Variants in RPRD1A observed in about 807,000 individuals in gnomAD.
RPRD1A encodes regulation of nuclear pre-mRNA domain containing 1A, also known as regulation of nuclear pre-mRNA domain-containing protein 1A.
A neutral mutation model predicts 37.8 loss-of-function variants in RPRD1A; 9 were observed. The ratio of observed to expected loss-of-function variants is 0.24; its 90% CI spans 0.14 to 0.42. The LOEUF is 0.42. Among genes scored for constraint, RPRD1A ranks in the 10% least tolerant of loss-of-function variants. The pLI, the probability that RPRD1A is intolerant of heterozygous loss-of-function variation, is 1.00. For missense variants in RPRD1A, 255 were observed against 371.0 expected, an observed-to-expected ratio of 0.69 and a Z score of 2.57; for synonymous variants, 138 against 139.7, an observed-to-expected ratio of 0.99 and a Z score of 0.08.
At chr18:36,057,830 C>A (rs1261747989) in intron 1 of RPRD1A, among the ~76,000 whole-genome samples, 1 of 152,154 alleles carries the variant, frequency 6.6e-6, no homozygotes, top group African/African-American at 2.4e-5. Context: ...AACCAAAGGA[C>A]CCTTCCCTGA....
chr18:36,048,376 ATTC>A (rs1229690401), intron 1 of RPRD1A, among the ~76,000 whole-genome samples: 1 of 152,104 alleles, frequency 6.6e-6, no homozygotes, highest in African/African-American at 2.4e-5. Flanking sequence ...AAATGTAAAC[ATTC>A]TTAACAAAAT....
At chr18:36,000,703 C>T (rs546342672) in intron 6 of RPRD1A, among the ~76,000 whole-genome samples, 2 of 152,310 alleles carry the variant, frequency 1.3e-5, no homozygotes, top group East Asian at 1.9e-4. Flanking sequence ...TCCATTTAAT[C>T]TTCACTGGTA....
At chr18:36,008,251 G>A (rs937752777) in intron 6 of RPRD1A, among the ~76,000 whole-genome samples, 1 of 151,786 alleles carries the variant, frequency 6.6e-6, no homozygotes, top group Admixed American at 6.6e-5. Context: ...TATTCCTTGG[G>A]TGCTTAAAAA....
chr18:36,025,862 A>C (rs974490942), intron 6 of RPRD1A: 10 of 316,048 alleles, frequency 3.2e-5, no homozygotes, highest in African/African-American at 1.3e-4. Flanking sequence ...TTTAAAAAAA[A>C]AAACCATCTT....
intron 6 of RPRD1A, among the ~76,000 whole-genome samples, chr18:36,019,574 T>C (rs1325074240): frequency 1.3e-5 from 2 of 152,228 alleles, no homozygotes; most frequent in African/African-American, 4.8e-5. Context: ...TTATGAAACA[T>C]GTATGTTACA....
At chr18:36,047,927 C>T (rs1429298800) in intron 1 of RPRD1A, among the ~76,000 whole-genome samples, 2 of 152,164 alleles carry the variant, frequency 1.3e-5, no homozygotes, top group Non-Finnish European at 2.9e-5. Flanking sequence ...TACACACTCT[C>T]TTCTACAAGA....
At position 36,016,085 on chromosome 18, in the gene RPRD1A, A is replaced by G. The variant is rs76524578; in HGVS notation, c.789+10815T>C. On this transcript the variant is annotated intron_variant, in intron 6 of 6. Coordinates refer to ENST00000399022, the MANE Select transcript of RPRD1A (RefSeq NM_018170.5). ...AAGTAATCTGATAAAAGGCAAAGAG[A>G]AAAAAACTATGTAAAATAAATGCTT... 6.4e-3 allele frequency among the ~76,000 whole-genome samples: 978 copies of G among 152,310 alleles called. 20 individuals carry two copies. Among genetic ancestry groups the G allele is most frequent in the African/African-American group, 0.022 (931 of 41,570 alleles).
chr18:36,062,187 GGCGCCTGTA>G (rs1476886193), intron 1 of RPRD1A, among the ~76,000 whole-genome samples: 1 of 151,252 alleles, frequency 6.6e-6, no homozygotes, highest in Non-Finnish European at 1.5e-5. Flanking sequence ...CGCGGTGGCG[GGCGCCTGTA>G]GTCCCAGCTA....
chr18:36,042,624 T>C (rs1912660385), intron 1 of RPRD1A, among the ~76,000 whole-genome samples: 1 of 152,222 alleles, frequency 6.6e-6, no homozygotes. Flanking sequence ...TTCATTTTCC[T>C]TCCTTCACTC....
chr18:35,996,090 T>C (rs1909036314), intron 6 of RPRD1A, among the ~76,000 whole-genome samples: 1 of 152,148 alleles, frequency 6.6e-6, no homozygotes, highest in African/African-American at 2.4e-5. Context: ...ATTAAGAAAA[T>C]CTGAATAAAG....
chr18:36,039,941 A>T (rs1912467775), intron 1 of RPRD1A, among the ~76,000 whole-genome samples: 1 of 152,144 alleles, frequency 6.6e-6, no homozygotes, highest in Non-Finnish European at 1.5e-5. Context: ...TATCAATGGG[A>T]GGAATGAGCA....
chr18:36,027,504 AT>A, intron 4 of RPRD1A, 194 bp from the exon 5 acceptor site: 1 of 562,074 alleles, frequency 1.8e-6, no homozygotes, highest in Non-Finnish European at 3.1e-6. Flanking sequence ...TGTTGAAAAT[AT>A]AAACAGGACA....
rs2144291056 is a variant in RPRD1A at position 36,030,817 on chromosome 18, T to G, written c.477A>C (p.Glu159Asp). Residue 159 changes from glutamate (E) to aspartate (D), a missense_variant, in exon 4 of 7, where the codon GAA (glutamate) becomes GAC (aspartate). Physicochemically the swap from Glu to Asp is conservative, Grantham distance 45 (BLOSUM62 2). This residue lies in a region of RPRD1A where 211 missense variants were observed against 268.9 expected (regional missense o/e 0.78). Coordinates refer to ENST00000399022, the MANE Select transcript of RPRD1A (RefSeq NM_018170.5). ...AGGGTAAAATTTCTACCTGTGGTGG[T>G]TCACTTGGAGATCCCAGAGAGGAAC... ...ENCSSLGSPS[E>D]PPQTLDLVRA... is the part of the protein sequence containing the mutation. The G allele has an allele frequency of 6.2e-7, 1 of 1,607,118 alleles. No homozygotes were observed. Among genetic ancestry groups the G allele is most frequent in the South Asian group, 1.1e-5 (1 of 90,466 alleles).
intron 1 of RPRD1A, among the ~76,000 whole-genome samples, chr18:36,062,603 G>A (rs888391376): frequency 4.6e-5 from 7 of 152,152 alleles, no homozygotes; most frequent in Non-Finnish European, 8.8e-5. Flanking sequence ...AAGACTGAAG[G>A]ACAGTAAGTG....
At chr18:36,066,537 G>A (rs1039153015) in intron 1 of RPRD1A, among the ~76,000 whole-genome samples, 7 of 152,194 alleles carry the variant, frequency 4.6e-5, no homozygotes, top group Non-Finnish European at 1.0e-4. Flanking sequence ...TACATGAACT[G>A]ATTCTGAATA....
chr18:36,054,999 C>T (rs1450793694), intron 1 of RPRD1A, among the ~76,000 whole-genome samples: 1 of 152,186 alleles, frequency 6.6e-6, no homozygotes, highest in Non-Finnish European at 1.5e-5. Flanking sequence ...ATCTGTTTTT[C>T]TCAGTCTGAT....
intron 1 of RPRD1A, among the ~76,000 whole-genome samples, chr18:36,037,115 A>AC (rs1433909718): frequency 6.6e-6 from 1 of 152,174 alleles, no homozygotes; most frequent in Admixed American, 6.5e-5. Flanking sequence ...CTAAAATGTT[A>AC]CTTTTTTTTT....
Position 36,064,473 on chromosome 18 carries a change from A to G in RPRD1A, c.151+2781T>C, listed in dbSNP as rs574879114. The G allele has an allele frequency of 2.0e-5, 3 of 152,270 alleles. No homozygotes were observed. In the East Asian group the frequency reaches 5.8e-4, roughly 29 times the overall value. The allele number at this position is 152,270 out of a possible 1,614,324, so 9.4% of individuals were successfully genotyped here. A position where few individuals can be genotyped will look rare whatever the true frequency, so the allele number is the denominator to read the frequency against. The stretch of plus-strand genomic sequence containing the variant: ...AAGGATTGTAAACGCACCAATCACC[A>G]CTCTGTGTCTAGCTCAAGGTTTGTA... On this transcript the variant is annotated intron_variant, in intron 1 of 6. Coordinates refer to ENST00000399022, the MANE Select transcript of RPRD1A (RefSeq NM_018170.5).
intron 6 of RPRD1A, among the ~76,000 whole-genome samples, chr18:36,016,739 G>A (rs1444414169): frequency 3.3e-5 from 5 of 152,120 alleles, no homozygotes; most frequent in Non-Finnish European, 5.9e-5. Flanking sequence ...GCAAGGAACT[G>A]GAAGAAATAT....
Sources: allele counts gnomAD v4.1 joint callset (sites outside exome capture counted in the v4.1 genomes callset), GRCh38; gene constraint gnomAD v4.1.1; regional missense constraint gnomAD v4.1.1; transcripts MANE v1.5; gene names NCBI Gene and HGNC (gene_info 2026-07-23, HGNC 2026-07-21).